DCLK2: variants seen among roughly 807,000 people sequenced by gnomAD.
DCLK2 encodes serine/threonine-protein kinase DCLK2.
A neutral mutation model predicts 78.4 loss-of-function variants in DCLK2; 31 were observed. The observed-to-expected ratio is 0.40, with a 90% CI of 0.30 to 0.53. The LOEUF is 0.53. Among genes scored for constraint, DCLK2 ranks in the 20% least tolerant of loss-of-function variants. The pLI is 0.61. For synonymous variants in DCLK2, 407 were observed against 374.9 expected, an observed-to-expected ratio of 1.09 and a Z score of -0.99; for missense variants, 872 against 973.7, an observed-to-expected ratio of 0.90 and a Z score of 1.39.
chr4:150,154,275 C>T (rs902430431), intron 2 of DCLK2, among the ~76,000 whole-genome samples: 2 of 152,160 alleles, frequency 1.3e-5, no homozygotes, highest in South Asian at 2.1e-4. Context: ...TACTGTTTCC[C>T]GCTCCACTAG....
In DCLK2 at chr4:150,107,011, G is replaced by A. The variant is rs184172240; in HGVS notation, c.756+4199G>A. 5.0e-3 allele frequency among the ~76,000 whole-genome samples: 755 copies of A among 152,314 alleles called. 1 individual carries two copies. The highest frequency in any genetic ancestry group is 6.9e-3 in the Non-Finnish European group (469 of 68,026). The stretch of plus-strand genomic sequence containing the variant: ...ACAGTTTTGTCCCTAGGGCATGTAT[G>A]GCACTGTCTGAAGTCATTTTTTGAT... On this transcript the variant is annotated intron_variant, in intron 2 of 15. Coordinates refer to ENST00000296550, the MANE Select transcript of DCLK2 (RefSeq NM_001040260.4).
chr4:150,160,349 G>A (rs1453501148), intron 2 of DCLK2, among the ~76,000 whole-genome samples: 1 of 152,098 alleles, frequency 6.6e-6, no homozygotes, highest in East Asian at 1.9e-4. Flanking sequence ...TGCTTTAAGA[G>A]CAGCATTTTT....
intron 2 of DCLK2, among the ~76,000 whole-genome samples, chr4:150,157,494 TTTGTTTG>T (rs1735384733): frequency 3.3e-5 from 2 of 60,168 alleles, no homozygotes; most frequent in African/African-American, 1.7e-4. Flanking sequence ...GGTTTTTTTG[TTTGTTTG>T]TTTGTTTGTT....
chr4:150,142,737 C>A (rs761627363), intron 2 of DCLK2, among the ~76,000 whole-genome samples: 14 of 152,036 alleles, frequency 9.2e-5, no homozygotes, highest in Non-Finnish European at 1.9e-4. Flanking sequence ...TGGTTTGTAC[C>A]TTTAGTGAAC....
chr4:150,130,006 C>A (rs1332288896), intron 2 of DCLK2, among the ~76,000 whole-genome samples: 1 of 152,040 alleles, frequency 6.6e-6, no homozygotes, highest in African/African-American at 2.4e-5. Context: ...CTTATTTGAG[C>A]TATATCTAGA....
intron 2 of DCLK2, among the ~76,000 whole-genome samples, chr4:150,166,057 T>C (rs1301056712): frequency 6.6e-6 from 1 of 152,210 alleles, no homozygotes; most frequent in African/African-American, 2.4e-5. Context: ...GAAATAAATT[T>C]CTTTTCTTTA....
intron 10 of DCLK2, among the ~76,000 whole-genome samples, chr4:150,236,590 C>T (rs1742526040): frequency 6.6e-6 from 1 of 152,182 alleles, no homozygotes; most frequent in African/African-American, 2.4e-5. Context: ...TTTGGAGTCC[C>T]TGTTCATCTA....
chr4:150,123,877 C>CA (rs1223954752), intron 2 of DCLK2, among the ~76,000 whole-genome samples: 1 of 151,912 alleles, frequency 6.6e-6, no homozygotes, highest in African/African-American at 2.4e-5. Flanking sequence ...CTCATCTCTA[C>CA]AAAAAATTAA....
intron 4 of DCLK2, among the ~76,000 whole-genome samples, chr4:150,198,365 T>C (rs1739212249): frequency 6.6e-6 from 1 of 152,224 alleles, no homozygotes; most frequent in Non-Finnish European, 1.5e-5. Flanking sequence ...GGTATTTACA[T>C]AGAAGCGTTT....
In DCLK2 at chr4:150,079,089, CG is replaced by C; in HGVS notation, c.66del (p.Ser23ArgfsTer82). The C allele has an allele frequency of 1.3e-6, 2 of 1,563,732 alleles. No homozygotes were observed. Among genetic ancestry groups the C allele is most frequent in the African/African-American group, 1.4e-5 (1 of 73,186 alleles). On this transcript the variant is annotated frameshift_variant, in exon 1 of 16. Transcript: ENST00000296550. LOFTEE classifies it high-confidence loss of function. ...HFEERDKRPR[P>X]GSRRGAPSSS... ...GAGGAACGGGACAAAAGGCCGCGGCCGGGGTCGCGGAGAGGGGCCCCCAGCT... is the reference window on the plus strand; with the variant it reads ...GAGGAACGGGACAAAAGGCCGCGGCCGGGTCGCGGAGAGGGGCCCCCAGCT...
At chr4:150,172,607 CAAAAAAAA>C (rs34267089) in intron 2 of DCLK2, among the ~76,000 whole-genome samples, 1 of 70,152 alleles carries the variant, frequency 1.4e-5, no homozygotes, top group Non-Finnish European at 2.7e-5. Flanking sequence ...GACTCCGTCT[CAAAAAAAA>C]AAAAAAAAAA....
chr4:150,172,763 G>A (rs142035051), intron 2 of DCLK2, among the ~76,000 whole-genome samples: 2 of 109,292 alleles, frequency 1.8e-5, no homozygotes, highest in Admixed American at 1.8e-4. Context: ...TTTTTTTTGG[G>A]GGGGGGGGGG....
chr4:150,107,344 G>C (rs1005898781), intron 2 of DCLK2, among the ~76,000 whole-genome samples: 5 of 150,548 alleles, frequency 3.3e-5, no homozygotes, highest in Non-Finnish European at 7.4e-5. Context: ...AAGATTGTTA[G>C]AATGTCATGG....
chr4:150,231,333 T>C (rs1004307469), intron 8 of DCLK2, among the ~76,000 whole-genome samples: 2 of 152,248 alleles, frequency 1.3e-5, no homozygotes, highest in East Asian at 3.8e-4. Flanking sequence ...ATTTATTGAG[T>C]GACTGCTTGG....
rs59257679 is a variant in DCLK2 at position 150,080,678 on chromosome 4, A to G, written c.421+1230A>G. On this transcript the variant is annotated intron_variant, in intron 1 of 15. Coordinates refer to ENST00000296550, the MANE Select transcript of DCLK2 (RefSeq NM_001040260.4). The stretch of plus-strand genomic sequence containing the variant: ...TTATAGATGAGGAAACTTAGGCAGC[A>G]TGCCTTGCCTCACAGTGCCTGCAGC... 7.4e-3 allele frequency among the ~76,000 whole-genome samples: 1,120 copies of G among 152,332 alleles called. 14 individuals are homozygous for G. The highest frequency in any genetic ancestry group is 0.025 in the African/African-American group (1,050 of 41,566).
chr4:150,247,664 G>T lies in DCLK2; in HGVS notation c.1840G>T (p.Ala614Ser). ...QILAGKLEFP[A>S]PYWDNITDSA... is the part of the protein sequence containing the mutation. ...CTTGGCTGGGAAGCTGGAGTTTCCG[G>T]CCCCCTACTGGGATAACATCACGGA... Residue 614 changes from alanine to serine, a missense_variant, in exon 13 of 16, where the codon GCC becomes TCC. Around this residue, in one of 3 missense-constraint regions of DCLK2, gnomAD observed 219 missense variants for 230.1 expected, o/e 0.95. Coordinates refer to ENST00000296550, the MANE Select transcript of DCLK2 (RefSeq NM_001040260.4). 2 of 1,614,004 alleles carry T rather than the reference G, an allele frequency of 1.2e-6. No homozygotes were observed. Among genetic ancestry groups the T allele is most frequent in the Non-Finnish European group, 1.7e-6 (2 of 1,179,998 alleles).
At chr4:150,143,626 C>T (rs779916001) in intron 2 of DCLK2, among the ~76,000 whole-genome samples, 40 of 152,132 alleles carry the variant, frequency 2.6e-4, no homozygotes, top group Non-Finnish European at 2.1e-4. Context: ...TTTGAGATAT[C>T]TTCATTCTGT....
chr4:150,140,638 C>G (rs1734048304), intron 2 of DCLK2, among the ~76,000 whole-genome samples: 1 of 152,204 alleles, frequency 6.6e-6, no homozygotes, highest in African/African-American at 2.4e-5. Context: ...GAGACACCTA[C>G]TATGTTCTAT....
intron 2 of DCLK2, among the ~76,000 whole-genome samples, chr4:150,152,470 C>CG (rs1386582484): frequency 6.6e-5 from 10 of 152,190 alleles, no homozygotes; most frequent in Non-Finnish European, 1.3e-4. Context: ...TTAGTAGAGA[C>CG]GGGGTTTCAC....
Sources: allele counts gnomAD v4.1 joint callset (sites outside exome capture counted in the v4.1 genomes callset), GRCh38; gene constraint gnomAD v4.1.1; regional missense constraint gnomAD v4.1.1; transcripts MANE v1.5; gene names NCBI Gene and HGNC (gene_info 2026-07-23, HGNC 2026-07-21).